The following PIP5K1B variants were observed in gnomAD, a reference collection of about 807,000 sequenced individuals.
The protein encoded by PIP5K1B is phosphatidylinositol-4-phosphate 5-kinase type 1 beta, also known as phosphatidylinositol 4-phosphate 5-kinase type-1 beta.
Under a neutral mutation model 67.0 loss-of-function variants are expected in PIP5K1B, and 42 were observed. That is an observed-to-expected ratio of 0.63 (90% CI 0.49 to 0.81). The LOEUF is 0.81. Ranked by LOEUF, PIP5K1B falls within the 30% of genes least tolerant of loss-of-function variation. PIP5K1B has a pLI of 0.00. For missense variants in PIP5K1B, 459 were observed against 646.3 expected, an observed-to-expected ratio of 0.71 and a Z score of 3.14; for synonymous variants, 214 against 231.4, an observed-to-expected ratio of 0.92 and a Z score of 0.68.
intron 2 of PIP5K1B, among the ~76,000 whole-genome samples, chr9:68,768,848 A>C (rs1051507967): frequency 1.3e-5 from 2 of 152,168 alleles, no homozygotes; most frequent in African/African-American, 4.8e-5. Flanking sequence ...CAGTACTGTC[A>C]CCCATTAGTT....
chr9:68,813,406 A>G (rs1564155040), intron 2 of PIP5K1B, among the ~76,000 whole-genome samples: 1 of 152,222 alleles, frequency 6.6e-6, no homozygotes, highest in Non-Finnish European at 1.5e-5. Flanking sequence ...AGGCAATGAA[A>G]GAGTAAAAAT....
chr9:68,973,112 G>A (rs929947143), intron 14 of PIP5K1B, among the ~76,000 whole-genome samples: 1 of 152,198 alleles, frequency 6.6e-6, no homozygotes, highest in Non-Finnish European at 1.5e-5. Context: ...AAGTAATGCT[G>A]GTTAGAAGGG....
intron 2 of PIP5K1B, among the ~76,000 whole-genome samples, chr9:68,773,427 G>C (rs1243910716): frequency 6.6e-6 from 1 of 152,202 alleles, no homozygotes; most frequent in African/African-American, 2.4e-5. Context: ...TATCACTCCT[G>C]TTTTCTATTC....
intron 5 of PIP5K1B, among the ~76,000 whole-genome samples, chr9:68,868,078 G>T (rs914227543): frequency 6.6e-6 from 1 of 152,056 alleles, no homozygotes; most frequent in Non-Finnish European, 1.5e-5. Flanking sequence ...ATTTGAAAGA[G>T]GATATAAAAA....
intron 1 of PIP5K1B, among the ~76,000 whole-genome samples, chr9:68,720,105 G>T (rs987640153): frequency 2.0e-5 from 3 of 152,210 alleles, no homozygotes; most frequent in African/African-American, 7.2e-5. Flanking sequence ...CACAAAGACA[G>T]CCTGTATTAT....
At chr9:68,963,235 G>T (rs1053404179) in intron 14 of PIP5K1B, 4 of 456,094 alleles carry the variant, frequency 8.8e-6, no homozygotes, top group Non-Finnish European at 1.8e-5. Context: ...CCTGTGTGTG[G>T]CTCACACCTG....
intron 12 of PIP5K1B, among the ~76,000 whole-genome samples, chr9:68,929,111 C>A (rs193181335): frequency 1.7e-3 from 242 of 146,426 alleles, no homozygotes; most frequent in African/African-American, 6.0e-3. Flanking sequence ...TGCAGTGAGC[C>A]AAGATTATGC....
intron 14 of PIP5K1B, among the ~76,000 whole-genome samples, chr9:68,975,870 T>C (rs1179417696): frequency 2.6e-5 from 4 of 152,306 alleles, no homozygotes; most frequent in Middle Eastern, 3.4e-3. Flanking sequence ...TTCCCCTTTT[T>C]ATAAGAACAC....
chr9:68,820,042 CAGTT>C (rs1275295413), intron 3 of PIP5K1B, among the ~76,000 whole-genome samples: 1 of 152,186 alleles, frequency 6.6e-6, no homozygotes, highest in East Asian at 1.9e-4. Context: ...TCATTCATGC[CAGTT>C]AGTTAACCTC....
chr9:68,749,787 C>T (rs901551668), intron 2 of PIP5K1B, among the ~76,000 whole-genome samples: 15 of 152,146 alleles, frequency 9.9e-5, no homozygotes, highest in Non-Finnish European at 2.1e-4. Flanking sequence ...CATTCCTATC[C>T]ACTAGATGCC....
intron 1 of PIP5K1B, among the ~76,000 whole-genome samples, chr9:68,729,591 G>A (rs1409453062): frequency 2.0e-5 from 3 of 152,080 alleles, no homozygotes; most frequent in Admixed American, 6.5e-5. Flanking sequence ...AATATGTAAG[G>A]TATGTGTATA....
intron 1 of PIP5K1B, among the ~76,000 whole-genome samples, chr9:68,709,576 TG>T (rs1456349272): frequency 6.6e-6 from 1 of 152,154 alleles, no homozygotes; most frequent in African/African-American, 2.4e-5. Context: ...TTCTGGCTTA[TG>T]TGCATCACCA....
chr9:68,797,274 T>C (rs1832345501), intron 2 of PIP5K1B, among the ~76,000 whole-genome samples: 1 of 152,170 alleles, frequency 6.6e-6, no homozygotes, highest in Non-Finnish European at 1.5e-5. Flanking sequence ...AGGAAGGAAA[T>C]GCAAAGGTTT....
intron 2 of PIP5K1B, among the ~76,000 whole-genome samples, chr9:68,758,176 A>G (rs1209473382): frequency 6.6e-6 from 1 of 152,212 alleles, no homozygotes; most frequent in Non-Finnish European, 1.5e-5. Context: ...CAAAACTCAG[A>G]ATCTTGTAAT....
chr9:68,944,075 ATG>A (rs1827687959), intron 14 of PIP5K1B, among the ~76,000 whole-genome samples: 1 of 152,326 alleles, frequency 6.6e-6, no homozygotes, highest in African/African-American at 2.4e-5. Flanking sequence ...TCTTAAAAGT[ATG>A]TATCTAACCT....
rs11342436 is a variant in PIP5K1B, at chr9:68,895,265, TAAAAAAAAAAA to T, written c.771+639_771+649del. 1.8e-4 allele frequency among the ~76,000 whole-genome samples: 22 copies of T among 121,104 alleles called. No individual in the cohort carries two copies. In the South Asian group the frequency reaches 5.8e-3, roughly 32 times the overall value. The allele number at this position is 121,104 out of a possible 152,430, so 79.4% of individuals were successfully genotyped here. On this transcript the variant is annotated intron_variant, in intron 8 of 15. Transcript: ENST00000265382. ...GGAATTCCCCCAGGCTGCAATGCTT[TAAAAAAAAAAA>T]AAAAAAAAAAACTAAGGGAAGATTT...
At chr9:68,810,418 G>A (rs780011247) in intron 2 of PIP5K1B, among the ~76,000 whole-genome samples, 4 of 152,200 alleles carry the variant, frequency 2.6e-5, no homozygotes, top group Non-Finnish European at 5.9e-5. Context: ...CTATCCCAGC[G>A]TTCTTCCAAT....
chr9:68,769,571 T>G (rs1216678615), intron 2 of PIP5K1B, among the ~76,000 whole-genome samples: 1 of 152,238 alleles, frequency 6.6e-6, no homozygotes. Flanking sequence ...TTCCCCAGAT[T>G]TGGCTAATCT....
intron 2 of PIP5K1B, chr9:68,789,465 C>T (rs1831833955): frequency 2.0e-6 from 1 of 512,312 alleles, no homozygotes; most frequent in Non-Finnish European, 4.0e-6. Context: ...ATCTGGATCA[C>T]AGCCACAAAA....
Sources: gnomAD v4.1 joint callset for allele counts (sites outside exome capture counted in the v4.1 genomes callset) on GRCh38, gnomAD v4.1.1 for gene constraint, MANE v1.5 for transcripts, NCBI Gene and HGNC (gene_info 2026-07-23, HGNC 2026-07-21) for gene names.